Variants in ERBB3 observed in about 807,000 individuals in gnomAD.
ERBB3 encodes receptor tyrosine-protein kinase erbB-3.
A neutral mutation model predicts 156.7 loss-of-function variants in ERBB3; 96 were observed. That is an observed-to-expected ratio of 0.61 (90% CI 0.52 to 0.73). The LOEUF (loss-of-function observed/expected upper bound fraction) is 0.73, where lower values mean the gene tolerates loss of function less well. Ranked by LOEUF, ERBB3 falls within the 30% of genes least tolerant of loss-of-function variation. The pLI is 0.00. For synonymous variants in ERBB3, 567 were observed against 632.0 expected, an observed-to-expected ratio of 0.90 and a Z score of 1.54; for missense variants, 1,406 against 1,709.4, an observed-to-expected ratio of 0.82 and a Z score of 3.13.
Position 56,101,524 on chromosome 12 carries a change from C to T in ERBB3, c.3503-5C>T. On this transcript the variant is annotated splice_polypyrimidine_tract_variant and splice_region_variant and intron_variant, in intron 27 of 27. Coordinates refer to ENST00000267101, the MANE Select transcript of ERBB3 (RefSeq NM_001982.4). ...ACATACCTAGCCTTTCTTCTCAACC[C>T]CCAGGTACTCCCTCCTCCCGGGAAG... is the stretch of plus-strand genomic sequence containing the variant. 1.2e-6 allele frequency: 2 copies of T among 1,613,850 alleles called. No individual in the cohort carries two copies. The highest frequency in any genetic ancestry group is 1.7e-6 in the Non-Finnish European group (2 of 1,179,928).
At chr12:56,100,051 C>G in intron 25 of ERBB3, 22 bp downstream of exon 25, 1 of 1,611,368 alleles carries the variant, frequency 6.2e-7, no homozygotes, top group Non-Finnish European at 8.5e-7. Flanking sequence ...TCTAATTACC[C>G]AACACTTTGC....
chr12:56,091,297 A>T (rs373649050), intron 9 of ERBB3, among the ~76,000 whole-genome samples: 2,198 of 53,244 alleles, frequency 0.041, 182 homozygotes, highest in Non-Finnish European at 0.077. Flanking sequence ...TATATATATA[A>T]ATAATATATA....
rs67592614 is a variant in ERBB3 at position 56,101,416 on chromosome 12, GCTC to G, written c.3502+59_3502+61del. The G allele has an allele frequency of 1.9e-3, 3,056 of 1,604,156 alleles. 71 individuals carry two copies. The East Asian group carries it at 0.051, about 27-fold the overall frequency. On this transcript the variant is annotated intron_variant, in intron 27 of 27. Coordinates refer to ENST00000267101, the MANE Select transcript of ERBB3 (RefSeq NM_001982.4). ...ATTTTTCCTCGAATTCTTTCCCCGG[GCTC>G]CTCTTTTTTCTTCTCTGATCATATG...
chr12:56,102,100 TG>T lies in ERBB3; in HGVS notation c.*46del. The T allele has an allele frequency of 6.4e-7, 1 of 1,559,214 alleles. No individual in the cohort carries two copies. The highest frequency in any genetic ancestry group is 8.8e-7 in the Non-Finnish European group (1 of 1,142,104). On this transcript the variant is annotated 3_prime_UTR_variant, in exon 28 of 28. Coordinates refer to ENST00000267101, the MANE Select transcript of ERBB3 (RefSeq NM_001982.4). ...TCAGGGAGCATTTAATGGCAGCTAG[TG>T]CCTTTAGAGGGTACCGTCTTCTCCC...
chr12:56,097,187 T>G lies in ERBB3; in HGVS notation c.2417T>G (p.Leu806Arg). ...LDHVRQHRGALGPQLLLNWGV... is the reference protein window; with the variant it reads ...LDHVRQHRGARGPQLLLNWGV... ...CATGTGAGACAACACCGGGGGGCAC[T>G]GGGGCCACAGCTGCTGCTCAACTGG... The change falls in exon 20 of 28, where the codon CTG (leucine) becomes CGG (arginine). Residue 806 changes from leucine (L) to arginine (R), a missense_variant. Leu to Arg is a moderately radical substitution (Grantham distance 102). Coordinates refer to ENST00000267101, the MANE Select transcript of ERBB3 (RefSeq NM_001982.4). 1 of 1,614,114 alleles carries G rather than the reference T, an allele frequency of 6.2e-7. No individual in the cohort carries two copies. The highest frequency in any genetic ancestry group is 8.5e-7 in the Non-Finnish European group (1 of 1,180,020).
Position 56,083,713 on chromosome 12 carries a change from G to T in ERBB3, c.83-38G>T, listed in dbSNP as rs754497375. Reference sequence around the variant, plus strand: ...GATGGCAGATGGGCTGAGAATTTGTGTCCAGCCCTCAGCCACTCTTCCCTC... The same window carrying T: ...GATGGCAGATGGGCTGAGAATTTGTTTCCAGCCCTCAGCCACTCTTCCCTC... On this transcript the variant is annotated intron_variant, in intron 1 of 27. Transcript: ENST00000267101. 4.3e-6 allele frequency: 7 copies of T among 1,612,284 alleles called. No individual in the cohort carries two copies. In the South Asian group the frequency reaches 6.6e-5, roughly 15 times the overall value.
Position 56,097,214 on chromosome 12 carries a change from G to A in ERBB3, c.2444G>A (p.Gly815Glu), listed in dbSNP as rs1405440220. Residue 815 changes from glycine (G) to glutamate (E), a missense_variant, in exon 20 of 28, where the codon GGA becomes GAA. Transcript: ENST00000267101. ...GGGCCACAGCTGCTGCTCAACTGGG[G>A]AGTACAAATTGCCAAGGTGAGAGAA... The part of the protein sequence containing the change: ...ALGPQLLLNW[G>E]VQIAKGMYYL... The A allele has an allele frequency of 1.9e-6, 3 of 1,614,122 alleles. No homozygotes were observed. Among genetic ancestry groups the A allele is most frequent in the Non-Finnish European group, 2.5e-6 (3 of 1,179,990 alleles).
At chr12:56,081,169 G>T (rs1299200981) in intron 1 of ERBB3, among the ~76,000 whole-genome samples, 1 of 152,222 alleles carries the variant, frequency 6.6e-6, no homozygotes, top group Non-Finnish European at 1.5e-5. Context: ...GGGCACCTCT[G>T]CTACTTTCTA....
chr12:56,094,371 G>C, intron 14 of ERBB3, 31 bp from the exon 15 acceptor site: 1 of 1,613,826 alleles, frequency 6.2e-7, no homozygotes, highest in Admixed American at 1.7e-5. Flanking sequence ...CTTGGGATCT[G>C]ATTCTTCCTG....
intron 3 of ERBB3, 46 bp from the exon 4 acceptor site, chr12:56,086,485 C>T (rs573798308): frequency 8.1e-6 from 13 of 1,612,810 alleles, no homozygotes; most frequent in East Asian, 6.7e-5. Flanking sequence ...AAGGAAGAGG[C>T]GTTCCGCTGC....
chr12:56,086,536 C>T lies in ERBB3; in HGVS notation c.427C>T (p.Leu143=), dbSNP rs1220793360. 1.2e-6 allele frequency: 2 copies of T among 1,614,106 alleles called. No homozygotes were observed. Among genetic ancestry groups the T allele is most frequent in the African/African-American group, 2.7e-5 (2 of 75,040 alleles). The change falls in exon 4 of 28, where the codon CTG becomes TTG. Residue 143 remains leucine (L), a synonymous_variant. Coordinates refer to ENST00000267101, the MANE Select transcript of ERBB3 (RefSeq NM_001982.4). ...CACTTCTTTCCCTACCTCAGAGATTCTGTCAGGGGGTGTTTATATTGAGAA... is the reference window on the plus strand; with the variant it reads ...CACTTCTTTCCCTACCTCAGAGATTTTGTCAGGGGGTGTTTATATTGAGAA... The part of the protein sequence containing the change: ...QLRLTQLTEI[L]SGGVYIEKND...
intron 9 of ERBB3, among the ~76,000 whole-genome samples, chr12:56,090,699 T>TAC (rs112340323): frequency 0.048 from 7,119 of 149,796 alleles, 384 homozygotes; most frequent in South Asian, 0.3. Flanking sequence ...TGTCTCTCTC[T>TAC]ACACACACAC....
chr12:56,086,863 C>T (rs540060042), intron 4 of ERBB3, among the ~76,000 whole-genome samples: 32 of 152,164 alleles, frequency 2.1e-4, no homozygotes, highest in African/African-American at 7.5e-4. Flanking sequence ...AGGAGCAGGC[C>T]GAGCATGGTG....
chr12:56,094,605 C>T, intron 15 of ERBB3, 49 bp downstream of exon 15: 1 of 1,594,460 alleles, frequency 6.3e-7, no homozygotes, highest in Non-Finnish European at 8.6e-7. Flanking sequence ...AGGGTAGGAG[C>T]ACAGAACTAG....
chr12:56,085,212 C>T lies in ERBB3; in HGVS notation c.421+31C>T, dbSNP rs745974664. ...TTCCCGATGGTTCCTTCTGGCCTCA[C>T]CCCTCAGCCAGCCCAAGACTGGTAC... On this transcript the variant is annotated intron_variant, in intron 3 of 27. Transcript: ENST00000267101. 5.6e-6 allele frequency: 9 copies of T among 1,614,118 alleles called. No individual in the cohort carries two copies. The East Asian group carries it at 1.3e-4, about 24-fold the overall frequency.
rs1357321306 is a variant in ERBB3, at chr12:56,101,228, C to A, written c.3369C>A (p.Ser1123Arg). The change falls in exon 27 of 28, where the codon AGC becomes AGA. Residue 1123 changes from serine (S) to arginine (R), a missense_variant. Ser to Arg is a moderately radical substitution (Grantham distance 110). Around this residue, in one of 3 missense-constraint regions of ERBB3, gnomAD observed 415 missense variants for 454.1 expected, o/e 0.91. Coordinates refer to ENST00000267101, the MANE Select transcript of ERBB3 (RefSeq NM_001982.4). ...SMCRSRSRSR[S>R]PRPRGDSAYH... ...GTAGGAGCCGGAGCAGGAGCCGGAG[C>A]CCACGGCCACGCGGAGATAGCGCCT... 1.9e-6 allele frequency: 3 copies of A among 1,613,888 alleles called. No homozygotes were observed. In the South Asian group the frequency reaches 3.3e-5, roughly 18 times the overall value.
intron 1 of ERBB3, 68 bp from the exon 2 acceptor site, chr12:56,083,683 T>C (rs1372839894): frequency 5.0e-6 from 8 of 1,586,600 alleles, no homozygotes; most frequent in African/African-American, 2.7e-5. Context: ...GGGGTGATCT[T>C]TGGGGATGGC....
Position 56,102,223 on chromosome 12 carries a change from T to A in ERBB3, c.*168T>A, listed in dbSNP as rs925860851. 8.9e-5 allele frequency: 59 copies of A among 664,314 alleles called. No homozygotes were observed. The highest frequency in any genetic ancestry group is 8.1e-5 in the Non-Finnish European group (31 of 381,832). The allele number at this position is 664,314 out of a possible 1,614,324, so 41.2% of individuals were successfully genotyped here. ...TTTTAAACATTTTGACACAAAATTC[T>A]TATGGTATGTAGCCAGCTGTGCACT... On this transcript the variant is annotated 3_prime_UTR_variant, in exon 28 of 28. Coordinates refer to ENST00000267101, the MANE Select transcript of ERBB3 (RefSeq NM_001982.4).
In ERBB3 at chr12:56,102,051, C is replaced by T. The variant is rs140679673; in HGVS notation, c.4025C>T (p.Thr1342Met). The change falls in exon 28 of 28, where the codon ACG becomes ATG. Residue 1342 changes from threonine (T) to methionine (M), a missense_variant. Around this residue, in one of 3 missense-constraint regions of ERBB3, gnomAD observed 415 missense variants for 454.1 expected, o/e 0.91. Transcript: ENST00000267101. ...RLFPKANAQR[T>M] ...TTCCCCAAGGCTAATGCCCAGAGAACGTAACTCCTGCTCCCTGTGGCACTC... is the reference window on the plus strand; with the variant it reads ...TTCCCCAAGGCTAATGCCCAGAGAATGTAACTCCTGCTCCCTGTGGCACTC... 2.2e-5 allele frequency: 36 copies of T among 1,607,620 alleles called. 1 individual carries two copies. The African/African-American group carries it at 3.2e-4, about 14-fold the overall frequency.
Sources: gnomAD v4.1 joint callset for allele counts (sites outside exome capture counted in the v4.1 genomes callset) on GRCh38, gnomAD v4.1.1 for gene constraint, gnomAD v4.1.1 regional missense constraint, MANE v1.5 for transcripts, NCBI Gene and HGNC (gene_info 2026-07-23, HGNC 2026-07-21) for gene names.